Variants in HMCN1 observed in about 807,000 individuals in gnomAD.
HMCN1 encodes the protein hemicentin-1.
A neutral mutation model predicts 625.9 loss-of-function variants in HMCN1; 321 were observed. That is an observed-to-expected ratio of 0.51 (90% CI 0.47 to 0.56). HMCN1 has a LOEUF of 0.56. Ranked by LOEUF, HMCN1 falls within the 20% of genes least tolerant of loss-of-function variation. The pLI is 0.00. For missense variants in HMCN1, 6,588 were observed against 6,887.3 expected (o/e 0.96, Z 1.54); for synonymous variants, 2,425 against 2,417.6 (o/e 1.00, Z -0.09).
intron 28 of HMCN1, 90 bp downstream of exon 28, chr1:186,001,831 G>C (rs536964823): frequency 1.8e-5 from 19 of 1,085,394 alleles, no homozygotes; most frequent in South Asian, 1.7e-4. Flanking sequence ...AAGAGAAAAA[G>C]ATAAATTGAC....
At chr1:186,007,723 T>A (rs1219116193) in intron 30 of HMCN1, among the ~76,000 whole-genome samples, 1 of 152,162 alleles carries the variant, frequency 6.6e-6, no homozygotes, top group Non-Finnish European at 1.5e-5. Flanking sequence ...TTTAAATGCC[T>A]TATGTGTTTG....
chr1:185,970,899 T>C (rs761591785), intron 15 of HMCN1, among the ~76,000 whole-genome samples: 22 of 151,848 alleles, frequency 1.4e-4, no homozygotes, highest in Non-Finnish European at 2.9e-4. Flanking sequence ...ACCTCGTGAT[T>C]CCCACCCACC....
chr1:186,005,349 T>C (rs571225114), intron 29 of HMCN1, among the ~76,000 whole-genome samples: 12 of 147,234 alleles, frequency 8.2e-5, no homozygotes, highest in Non-Finnish European at 1.5e-4. Flanking sequence ...TGTTTATAAA[T>C]GTTTATAAAC....
chr1:185,830,765 G>A (rs1340551920), intron 1 of HMCN1, among the ~76,000 whole-genome samples: 2 of 152,186 alleles, frequency 1.3e-5, no homozygotes, highest in East Asian at 3.9e-4. Flanking sequence ...GTGTGTGCCT[G>A]TAGTCTGAGC....
intron 63 of HMCN1, 147 bp downstream of exon 63, chr1:186,088,902 T>C: frequency 1.3e-6 from 1 of 799,742 alleles, no homozygotes; most frequent in Non-Finnish European, 1.9e-6. Flanking sequence ...TGTCTTATAT[T>C]TACCAGTAGA....
rs772030965 is a variant in HMCN1 at position 185,925,040 on chromosome 1, T to C, written c.1286-7T>C. 2.5e-6 allele frequency: 4 copies of C among 1,600,978 alleles called. No individual in the cohort carries two copies. Among genetic ancestry groups the C allele is most frequent in the Non-Finnish European group, 2.6e-6 (3 of 1,172,432 alleles). On this transcript the variant is annotated splice_polypyrimidine_tract_variant and splice_region_variant and intron_variant, in intron 8 of 106. Transcript: ENST00000271588. ...TTTTTTGTTTTTGTTTTTGTTTTTT[T>C]TCCTAGATGCTCCCAAAGTTACGAT...
rs1301637370 is a variant in HMCN1 at position 186,151,825 on chromosome 1, CAT to C, written c.14896+84_14896+85del. 14 of 1,401,424 alleles carry C rather than the reference CAT, an allele frequency of 1.0e-5. No individual in the cohort carries two copies. In the African/African-American group the frequency reaches 2.0e-4, roughly 20 times the overall value. The allele number at this position is 1,401,424 out of a possible 1,614,324, so 86.8% of individuals were successfully genotyped here. A position where few individuals can be genotyped will look rare whatever the true frequency, so the allele number is the denominator to read the frequency against. On this transcript the variant is annotated intron_variant, in intron 95 of 106. Coordinates refer to ENST00000271588, the MANE Select transcript of HMCN1 (RefSeq NM_031935.3). ...TGATTAAGAAAAATACGTGTTCCCA[CAT>C]AGAATAATTTGAAACTTTTTACGCA... is the stretch of plus-strand genomic sequence containing the variant.
Position 186,003,737 on chromosome 1 carries a change from T to A in HMCN1, c.4368T>A (p.Gly1456=). The A allele has an allele frequency of 1.2e-6, 2 of 1,613,280 alleles. No individual in the cohort carries two copies. Among genetic ancestry groups the A allele is most frequent in the South Asian group, 1.1e-5 (1 of 91,072 alleles). ...IDVLVPPTII[G]TNFPNEVSVV... The stretch of plus-strand genomic sequence containing the variant: ...TTCAAGTTCCACCCACCATAATAGG[T>A]ACCAACTTCCCAAATGAAGTCTCAG... Residue 1456 remains glycine (G), a synonymous_variant, in exon 29 of 107, where the codon GGT becomes GGA. Coordinates refer to ENST00000271588, the MANE Select transcript of HMCN1 (RefSeq NM_031935.3).
chr1:186,016,567 A>G (rs1654382622), intron 32 of HMCN1, among the ~76,000 whole-genome samples: 1 of 152,076 alleles, frequency 6.6e-6, no homozygotes, highest in South Asian at 2.1e-4. Flanking sequence ...CAGGAAACTC[A>G]GTCTCTGGGC....
chr1:186,115,497 C>A (rs1294337782), intron 75 of HMCN1, 83 bp downstream of exon 75: 8 of 1,261,582 alleles, frequency 6.3e-6, no homozygotes, highest in Non-Finnish European at 9.1e-6. Context: ...GTGGGGTCAG[C>A]AAATATATAG....
chr1:185,766,371 T>C (rs78065126), intron 1 of HMCN1, among the ~76,000 whole-genome samples: 6,346 of 152,186 alleles, frequency 0.042, 379 homozygotes, highest in African/African-American at 0.14. Flanking sequence ...CCAGCCAACT[T>C]GAGCCCAAGG....
intron 1 of HMCN1, among the ~76,000 whole-genome samples, chr1:185,775,938 A>G (rs1656573660): frequency 6.6e-6 from 1 of 152,164 alleles, no homozygotes; most frequent in Non-Finnish European, 1.5e-5. Flanking sequence ...GTAATTGACA[A>G]TGCTCTAATA....
In HMCN1 at chr1:186,088,296, T is replaced by TTG. The variant is rs140371542; in HGVS notation, c.9577+34_9577+35dup. On this transcript the variant is annotated intron_variant, in intron 62 of 106. Transcript: ENST00000271588. ...GCATAGGTAAGGCAACCATGCATTT[T>TTG]TGTGTGTGTGTGTGTTTTTTTCTCT... is the stretch of plus-strand genomic sequence containing the variant. 1.7e-3 allele frequency: 2,678 copies of TTG among 1,611,514 alleles called. 6 individuals are homozygous for TTG. Among genetic ancestry groups the TTG allele is most frequent in the African/African-American group, 4.2e-3 (311 of 74,788 alleles).
At chr1:186,053,767 T>C in intron 43 of HMCN1, 58 bp from the exon 44 acceptor site, 2 of 1,547,308 alleles carry the variant, frequency 1.3e-6, no homozygotes, top group South Asian at 1.1e-5. Context: ...TACTTGGCAA[T>C]GTATACAAAA....
chr1:185,765,564 C>T (rs1655821078), intron 1 of HMCN1, among the ~76,000 whole-genome samples: 2 of 152,102 alleles, frequency 1.3e-5, no homozygotes, highest in African/African-American at 4.8e-5. Context: ...ATCCCTGTTT[C>T]ACAGATTAGG....
intron 4 of HMCN1, among the ~76,000 whole-genome samples, chr1:185,879,096 A>G (rs760821698): frequency 6.6e-6 from 1 of 152,104 alleles, no homozygotes; most frequent in Non-Finnish European, 1.5e-5. Flanking sequence ...AATGCTTTCC[A>G]TTCTATTTTC....
rs558706836 is a variant in HMCN1, at chr1:186,130,739, C to T, written c.13230+42C>T. On this transcript the variant is annotated intron_variant, in intron 85 of 106. Transcript: ENST00000271588. ...TGATTGATGCACCTTTAAACCCCCA[C>T]AGCCAATACCCCTCTGTGAGTGCCA... The T allele has an allele frequency of 1.1e-5, 17 of 1,519,872 alleles. No individual in the cohort carries two copies. In the African/African-American group the frequency reaches 2.3e-4, roughly 21 times the overall value. 94.1% of individuals were successfully genotyped at this position (1,519,872 alleles called of 1,614,324 possible).
chr1:186,164,240 C>CT lies in HMCN1; in HGVS notation c.15257-854dup, dbSNP rs57317105. ...TTTGTTTCTGACATCTAACTTAAAT[C>CT]TTTTTTTTTTTTTTTTTGAGACAGA... is the stretch of plus-strand genomic sequence containing the variant. On this transcript the variant is annotated intron_variant, in intron 97 of 106. Transcript: ENST00000271588. Among the ~76,000 whole-genome samples, 1,063 of 131,522 alleles carry CT rather than the reference C, an allele frequency of 8.1e-3. 10 individuals carry two copies. The highest frequency in any genetic ancestry group is 0.052 in the East Asian group (244 of 4,734). The allele number at this position is 131,522 out of a possible 152,430, so 86.3% of individuals were successfully genotyped here.
At position 186,118,546 on chromosome 1, in the gene HMCN1, A is replaced by T. The variant is rs553913132; in HGVS notation, c.11849-645A>T. 2.0e-5 allele frequency among the ~76,000 whole-genome samples: 3 copies of T among 152,368 alleles called. No homozygotes were observed. In the East Asian group the frequency reaches 5.8e-4, roughly 29 times the overall value. On this transcript the variant is annotated intron_variant, in intron 77 of 106. Transcript: ENST00000271588. Reference sequence around the variant, plus strand: ...AAAACATTTGTCTACACAAAGGCTTATATGCAAATCTTCATACAGCATCAT... The same window carrying T: ...AAAACATTTGTCTACACAAAGGCTTTTATGCAAATCTTCATACAGCATCAT...
Sources: allele counts gnomAD v4.1 joint callset (sites outside exome capture counted in the v4.1 genomes callset), GRCh38; gene constraint gnomAD v4.1.1; transcripts MANE v1.5; gene names NCBI Gene and HGNC (gene_info 2026-07-23, HGNC 2026-07-21).